The following PCDHGA8 variants were observed in gnomAD, a reference collection of about 807,000 sequenced individuals.
PCDHGA8 encodes protocadherin gamma-A8.
In PCDHGA8, 45 loss-of-function variants were observed where a neutral mutation model predicts 59.2. The ratio of observed to expected loss-of-function variants is 0.76; its 90% CI spans 0.60 to 0.98. The LOEUF (loss-of-function observed/expected upper bound fraction) is 0.98. PCDHGA8 is among the 50% of genes least tolerant of loss of function. PCDHGA8 has a pLI of 0.00. For missense variants in PCDHGA8, 1,257 were observed against 1,196.2 expected, an observed-to-expected ratio of 1.05 and a Z score of -0.75; for synonymous variants, 531 against 519.0, an observed-to-expected ratio of 1.02 and a Z score of -0.32.
chr5:141,471,568 A>G (rs947450908), intron 1 of PCDHGA8: 3 of 152,214 alleles, frequency 2.0e-5, no homozygotes, highest in Non-Finnish European at 2.9e-5. Context: ...CAGGGGTAGC[A>G]GTAGATAGGG....
intron 1 of PCDHGA8, chr5:141,413,902 G>A: frequency 1.9e-6 from 3 of 1,613,252 alleles, no homozygotes; most frequent in East Asian, 2.2e-5. Flanking sequence ...AAATGACAAC[G>A]CGCCGGTCTT....
intron 1 of PCDHGA8, among the ~76,000 whole-genome samples, chr5:141,466,776 C>T (rs2099129231): frequency 6.6e-6 from 1 of 152,104 alleles, no homozygotes; most frequent in African/African-American, 2.4e-5. Flanking sequence ...TTATCTTATT[C>T]TTCTTAGTGC....
rs1236959966 is a variant in PCDHGA8, at chr5:141,511,984, G to C, written c.*811G>C. On this transcript the variant is annotated 3_prime_UTR_variant, in exon 4 of 4. Transcript: ENST00000398604. ...GGGAAGTGTGTGGATGTGGATGGTGGGGGCATGGACAAAGCTTGACACATC... is the reference window on the plus strand; with the variant it reads ...GGGAAGTGTGTGGATGTGGATGGTGCGGGCATGGACAAAGCTTGACACATC... 1 of 153,294 alleles carries C rather than the reference G, an allele frequency of 6.5e-6. No individual in the cohort carries two copies. Among genetic ancestry groups the C allele is most frequent in the African/African-American group, 2.4e-5 (1 of 41,452 alleles). 9.5% of individuals were successfully genotyped at this position (153,294 alleles called of 1,614,324 possible). A position where few individuals can be genotyped will look rare whatever the true frequency, so the allele number is the denominator to read the frequency against.
At chr5:141,423,250 G>T in intron 1 of PCDHGA8, 1 of 1,613,954 alleles carries the variant, frequency 6.2e-7, no homozygotes, top group Non-Finnish European at 8.5e-7. Context: ...AGTCCTGGCG[G>T]ACCTCGGCAG....
chr5:141,408,379 G>T (rs2095093592), intron 1 of PCDHGA8: 13 of 1,613,914 alleles, frequency 8.1e-6, no homozygotes, highest in Non-Finnish European at 1.1e-5. Context: ...TCAGTGTCCT[G>T]GATGTGTCGG....
rs370067669 is a variant in PCDHGA8 at position 141,419,410 on chromosome 5, G to A, written c.2424+24173G>A. ...CGCAGAGCGGGGTGGTGTTCGCGCA[G>A]CGCGCCTTCGACCACGAGCAGCTGC... On this transcript the variant is annotated intron_variant, in intron 1 of 3. Coordinates refer to ENST00000398604, the MANE Select transcript of PCDHGA8 (RefSeq NM_032088.2). 140 of 1,613,468 alleles carry A rather than the reference G, an allele frequency of 8.7e-5. No individual in the cohort carries two copies. In the African/African-American group the frequency reaches 1.8e-3, roughly 20 times the overall value.
At chr5:141,474,893 T>C (rs1406276730) in intron 1 of PCDHGA8, among the ~76,000 whole-genome samples, 1 of 152,256 alleles carries the variant, frequency 6.6e-6, no homozygotes, top group East Asian at 1.9e-4. Flanking sequence ...TAGAGGTTCA[T>C]TTCTTGTTCA....
At chr5:141,418,603 G>A (rs769167342) in intron 1 of PCDHGA8, 7 of 1,613,902 alleles carry the variant, frequency 4.3e-6, no homozygotes, top group East Asian at 4.5e-5. Context: ...ACGTGTACAG[G>A]GTTAGCCTTC....
At chr5:141,397,507 T>C (rs2093532297) in intron 1 of PCDHGA8, among the ~76,000 whole-genome samples, 1 of 152,222 alleles carries the variant, frequency 6.6e-6, no homozygotes, top group Non-Finnish European at 1.5e-5. Flanking sequence ...GATAAAATTG[T>C]TTCCATAGCT....
In PCDHGA8 at chr5:141,405,117, C is replaced by T. The variant is rs200108286; in HGVS notation, c.2424+9880C>T. On this transcript the variant is annotated intron_variant, in intron 1 of 3. Transcript: ENST00000398604. The stretch of plus-strand genomic sequence containing the variant: ...CTCAGGCTGAGGCACTGGCACTCCT[C>T]GCATCTGCTGCGGGCTACCAGTGAT... The T allele has an allele frequency of 5.6e-5, 90 of 1,613,980 alleles. No individual in the cohort carries two copies. In the East Asian group the frequency reaches 9.6e-4, roughly 17 times the overall value.
chr5:141,496,554 G>T (rs2099769470), intron 2 of PCDHGA8, among the ~76,000 whole-genome samples: 1 of 152,160 alleles, frequency 6.6e-6, no homozygotes, highest in Non-Finnish European at 1.5e-5. Context: ...TTCTGGGCAT[G>T]CACAGTCCTG....
chr5:141,481,207 C>T (rs1287298617), intron 1 of PCDHGA8, among the ~76,000 whole-genome samples: 3 of 152,154 alleles, frequency 2.0e-5, no homozygotes, highest in Non-Finnish European at 1.5e-5. Flanking sequence ...TTTTAAAAAA[C>T]ATGGTAAGGT....
At chr5:141,413,407 CTT>C (rs758693256) in intron 1 of PCDHGA8, 1 of 1,613,926 alleles carries the variant, frequency 6.2e-7, no homozygotes, top group Non-Finnish European at 8.5e-7. Context: ...TAGGACGCAG[CTT>C]TTCTCTCTGA....
In PCDHGA8 at chr5:141,489,661, C is replaced by T. The variant is rs756803543; in HGVS notation, c.2425-5146C>T. 36 of 1,614,146 alleles carry T rather than the reference C, an allele frequency of 2.2e-5. 1 individual carries two copies. Among genetic ancestry groups the T allele is most frequent in the South Asian group, 5.5e-5 (5 of 91,090 alleles). ...CTTTGCCACCCCTGAGCGAGAGATG[C>T]GCATCTCAGAATCAGCAGCATCTGG... On this transcript the variant is annotated intron_variant, in intron 1 of 3. Coordinates refer to ENST00000398604, the MANE Select transcript of PCDHGA8 (RefSeq NM_032088.2). The surrounding 1 kb of genome is among the most constrained non-coding windows in gnomAD (Gnocchi z 4.5).
rs70988802 is a variant in PCDHGA8 at position 141,450,006 on chromosome 5, C to CTA, written c.2425-44800_2425-44799insAT. ...CACATTGCATTTAGTTGCCATGTCT[C>CTA]TTTTTTTTTTTTTTTTTTGAGACAG... On this transcript the variant is annotated intron_variant, in intron 1 of 3. Coordinates refer to ENST00000398604, the MANE Select transcript of PCDHGA8 (RefSeq NM_032088.2). Among the ~76,000 whole-genome samples the CTA allele has an allele frequency of 6.0e-5, 8 of 132,986 alleles. 1 individual carries two copies. The highest frequency in any genetic ancestry group is 9.5e-5 in the Non-Finnish European group (6 of 62,926). The allele number at this position is 132,986 out of a possible 152,430, so 87.2% of individuals were successfully genotyped here. A position where few individuals can be genotyped will look rare whatever the true frequency, so the allele number is the denominator to read the frequency against.
intron 1 of PCDHGA8, chr5:141,404,701 G>T (rs563319884): frequency 6.2e-7 from 1 of 1,614,074 alleles, no homozygotes; most frequent in African/African-American, 1.3e-5. Flanking sequence ...GCTCTGCAGA[G>T]CCTGGCTACC....
At position 141,476,760 on chromosome 5, in the gene PCDHGA8, C is replaced by A; in HGVS notation, c.2425-18047C>A. The A allele has an allele frequency of 6.2e-7, 1 of 1,613,824 alleles. No homozygotes were observed. Among genetic ancestry groups the A allele is most frequent in the Non-Finnish European group, 8.5e-7 (1 of 1,180,010 alleles). On this transcript the variant is annotated intron_variant, in intron 1 of 3. Coordinates refer to ENST00000398604, the MANE Select transcript of PCDHGA8 (RefSeq NM_032088.2). This position sits in a 1 kb window ranked among gnomAD's most constrained non-coding sequence, Gnocchi z 7.6. ...GAGCCTAGTCTCCAGTTAGTGCTGA[C>A]GGCGTTGGACGGAGGGACCCCAGCT...
At chr5:141,413,407 CT>C (rs758693256) in intron 1 of PCDHGA8, 3 of 1,613,926 alleles carry the variant, frequency 1.9e-6, no homozygotes, top group Non-Finnish European at 2.5e-6. Flanking sequence ...TAGGACGCAG[CT>C]TTTCTCTCTG....
Position 141,491,987 on chromosome 5 carries a change from T to A in PCDHGA8, c.2425-2820T>A. The A allele has an allele frequency of 1.4e-6, 1 of 736,922 alleles. No individual in the cohort carries two copies. The highest frequency in any genetic ancestry group is 2.0e-6 in the Non-Finnish European group (1 of 490,378). The allele number at this position is 736,922 out of a possible 1,614,324, so 45.6% of individuals were successfully genotyped here. On this transcript the variant is annotated intron_variant, in intron 1 of 3. Coordinates refer to ENST00000398604, the MANE Select transcript of PCDHGA8 (RefSeq NM_032088.2). The surrounding 1 kb of genome is among the most constrained non-coding windows in gnomAD (Gnocchi z 6.9). ...GCCGGGGCCTCCTTCGAGCTTCCGG[T>A]GAATTTCGGGCGATTTCCGCGGGTG...
Sources: allele counts gnomAD v4.1 joint callset (sites outside exome capture counted in the v4.1 genomes callset), GRCh38; gene constraint gnomAD v4.1.1; non-coding constraint Gnocchi (gnomAD v3.1); transcripts MANE v1.5; gene names NCBI Gene and HGNC (gene_info 2026-07-23, HGNC 2026-07-21).